MYO3A: variants seen among roughly 807,000 people sequenced by gnomAD.
MYO3A encodes the protein myosin-IIIa.
A neutral mutation model predicts 192.7 loss-of-function variants in MYO3A; 180 were observed. The observed-to-expected ratio is 0.93, with a 90% CI of 0.83 to 1.06. The LOEUF (loss-of-function observed/expected upper bound fraction) is 1.06, where lower values mean the gene tolerates loss of function less well. MYO3A is among the 50% of genes least tolerant of loss of function. The probability of loss-of-function intolerance (pLI) is 0.00; values close to 1 mark genes in which losing one functional copy is unlikely to be tolerated. For synonymous variants in MYO3A, 628 were observed against 645.3 expected (o/e 0.97, Z 0.41); for missense variants, 1,896 against 1,905.0 (o/e 1.00, Z 0.09).
intron 17 of MYO3A, among the ~76,000 whole-genome samples, chr10:26,111,485 G>A (rs765094837): frequency 1.3e-5 from 2 of 151,956 alleles, no homozygotes; most frequent in African/African-American, 2.4e-5. Context: ...CCACTTCCAG[G>A]TGCATCTTTC....
In MYO3A at chr10:26,077,233, GTT is replaced by G. The variant is rs34464120; in HGVS notation, c.1359+6853_1359+6854del. ...CTCCTTGGTTAGGTATATTCCTAAG[GTT>G]TTTTTTTTTTTTTTTTTTTTGCAGC... On this transcript the variant is annotated intron_variant, in intron 14 of 34. Transcript: ENST00000642920. 2.5e-4 allele frequency among the ~76,000 whole-genome samples: 9 copies of G among 36,284 alleles called. 1 individual carries two copies. The highest frequency in any genetic ancestry group is 8.5e-4 in the East Asian group (1 of 1,170). The allele number at this position is 36,284 out of a possible 152,430, so 23.8% of individuals were successfully genotyped here.
chr10:25,948,852 G>A (rs1305168951), intron 2 of MYO3A, among the ~76,000 whole-genome samples: 1 of 152,060 alleles, frequency 6.6e-6, no homozygotes, highest in Non-Finnish European at 1.5e-5. Flanking sequence ...TATGGAACAT[G>A]ACTAGGTGTA....
chr10:26,192,775 TC>T (rs1479831916), intron 31 of MYO3A, among the ~76,000 whole-genome samples: 1 of 151,810 alleles, frequency 6.6e-6, no homozygotes, highest in Admixed American at 6.6e-5. Flanking sequence ...TGCCTCAGCC[TC>T]CCAAGTAGCT....
rs574977699 is a variant in MYO3A at position 26,110,835 on chromosome 10, T to C, written c.1777-9841T>C. On this transcript the variant is annotated intron_variant, in intron 17 of 34. Transcript: ENST00000642920. Reference sequence around the variant, plus strand: ...CCTGGAGTCAGAGATGACCCTGATATATTTCTGGAAAATCGTTTTTTGGGT... The same window carrying C: ...CCTGGAGTCAGAGATGACCCTGATACATTTCTGGAAAATCGTTTTTTGGGT... Among the ~76,000 whole-genome samples the C allele has an allele frequency of 4.9e-4, 75 of 152,038 alleles. 1 individual carries two copies. The highest frequency in any genetic ancestry group is 1.5e-3 in the African/African-American group (64 of 41,482).
chr10:26,130,190 C>A (rs1839451294), intron 20 of MYO3A, among the ~76,000 whole-genome samples: 1 of 151,872 alleles, frequency 6.6e-6, no homozygotes, highest in African/African-American at 2.4e-5. Context: ...CTGCAGCCTG[C>A]GCCTCCCAGG....
intron 32 of MYO3A, among the ~76,000 whole-genome samples, chr10:26,200,181 G>A (rs1564641799): frequency 6.6e-6 from 1 of 152,076 alleles, no homozygotes; most frequent in Admixed American, 6.6e-5. Flanking sequence ...TCATCCACCC[G>A]TTAAAATGCC....
intron 4 of MYO3A, among the ~76,000 whole-genome samples, chr10:25,986,981 CA>C (rs1839691351): frequency 6.6e-6 from 1 of 152,118 alleles, no homozygotes; most frequent in Admixed American, 6.5e-5. Context: ...CCATAGTCAC[CA>C]AAACAGCATG....
chr10:26,029,027 A>C (rs2131135722), intron 10 of MYO3A, among the ~76,000 whole-genome samples: 1 of 152,334 alleles, frequency 6.6e-6, no homozygotes, highest in East Asian at 1.9e-4. Context: ...GCTGTTTGCT[A>C]TACAAACATT....
intron 17 of MYO3A, among the ~76,000 whole-genome samples, chr10:26,097,641 G>A (rs868182322): frequency 2.0e-5 from 3 of 151,744 alleles, no homozygotes; most frequent in Non-Finnish European, 2.9e-5. Context: ...GCAGTGTTTC[G>A]TTTTCTGTCC....
intron 17 of MYO3A, among the ~76,000 whole-genome samples, chr10:26,111,017 A>T (rs1488821043): frequency 6.6e-6 from 1 of 151,526 alleles, no homozygotes; most frequent in East Asian, 1.9e-4. Context: ...GGTGATTACA[A>T]CCATGCCCAG....
At chr10:26,184,677 A>C (rs1842779325) in intron 31 of MYO3A, among the ~76,000 whole-genome samples, 1 of 152,196 alleles carries the variant, frequency 6.6e-6, no homozygotes, top group Admixed American at 6.5e-5. Flanking sequence ...AAACCAAAAC[A>C]CTTAATGACA....
intron 10 of MYO3A, among the ~76,000 whole-genome samples, chr10:26,049,002 G>A (rs1324857161): frequency 6.6e-6 from 1 of 152,162 alleles, no homozygotes; most frequent in Non-Finnish European, 1.5e-5. Context: ...GGGAGGAAGA[G>A]CAGAGAATGT....
At chr10:26,049,865 G>A (rs2131280007) in intron 10 of MYO3A, among the ~76,000 whole-genome samples, 1 of 151,672 alleles carries the variant, frequency 6.6e-6, no homozygotes, top group Non-Finnish European at 1.5e-5. Context: ...TAGTAGAAAT[G>A]GGGTTTCACC....
At chr10:26,062,530 A>AAAAAAAAAAAACAAAAACG (rs1554816581) in intron 10 of MYO3A, among the ~76,000 whole-genome samples, 1 of 125,946 alleles carries the variant, frequency 7.9e-6, no homozygotes, top group African/African-American at 2.9e-5. Context: ...AAAAAAAAAA[A>AAAAAAAAAAAACAAAAACG]AAATTATGGA....
intron 4 of MYO3A, among the ~76,000 whole-genome samples, chr10:25,956,126 G>A (rs1419902779): frequency 6.6e-6 from 1 of 152,078 alleles, no homozygotes; most frequent in Non-Finnish European, 1.5e-5. Flanking sequence ...TGTGTGGAGC[G>A]TCTTTTTAAT....
At chr10:26,096,300 G>A (rs1588947424) in intron 15 of MYO3A, 81 bp from the exon 16 acceptor site, 4 of 1,076,444 alleles carry the variant, frequency 3.7e-6, no homozygotes, top group Non-Finnish European at 5.6e-6. Context: ...CACAGTCGTT[G>A]TTCAAATAAT....
chr10:26,125,728 A>T, intron 19 of MYO3A, 120 bp downstream of exon 19: 2 of 883,886 alleles, frequency 2.3e-6, no homozygotes, highest in South Asian at 3.1e-5. Flanking sequence ...TAATTAAATT[A>T]TTAAAATGAT....
intron 20 of MYO3A, 81 bp downstream of exon 20, chr10:26,128,619 C>T (rs1839358773): frequency 3.6e-6 from 5 of 1,397,434 alleles, no homozygotes; most frequent in East Asian, 2.3e-5. Context: ...GGACCTTAAC[C>T]ATAGATTTAA....
chr10:25,959,815 G>A lies in MYO3A; in HGVS notation c.303+4807G>A, dbSNP rs533904973. ...TCTCTTAACCTGGGTGTGTGTGTGT[G>A]TGTGTGTGTGTGTCTGTGTGTGTAC... On this transcript the variant is annotated intron_variant, in intron 4 of 34. Transcript: ENST00000642920. 6.6e-5 allele frequency among the ~76,000 whole-genome samples: 10 copies of A among 151,980 alleles called. 1 individual carries two copies. In the East Asian group the frequency reaches 1.9e-3, roughly 29 times the overall value.
Sources: allele counts gnomAD v4.1 joint callset (sites outside exome capture counted in the v4.1 genomes callset), GRCh38; gene constraint gnomAD v4.1.1; transcripts MANE v1.5; gene names NCBI Gene and HGNC (gene_info 2026-07-23, HGNC 2026-07-21).